PLK4: variants seen among roughly 807,000 people sequenced by gnomAD.
PLK4 encodes the protein serine/threonine-protein kinase PLK4.
PLK4 carries 51 observed loss-of-function variants against 103.0 expected under a neutral mutation model. The ratio of observed to expected loss-of-function variants is 0.50; its 90% confidence interval spans 0.40 to 0.63. The LOEUF (loss-of-function observed/expected upper bound fraction) is 0.63. Among genes scored for constraint, PLK4 ranks in the 20% least tolerant of loss-of-function variants. The pLI is 0.00. For synonymous variants in PLK4, 389 were observed against 376.8 expected, an observed-to-expected ratio of 1.03 and a Z score of -0.38; for missense variants, 1,054 against 1,151.0, an observed-to-expected ratio of 0.92 and a Z score of 1.22.
intron 1 of PLK4, 38 bp from the exon 2 acceptor site, chr4:127,881,793 T>G: frequency 8.5e-7 from 1 of 1,171,692 alleles, no homozygotes; most frequent in Non-Finnish European, 1.3e-6. Context: ...CTTTCTACTG[T>G]GAGTCATCAC....
chr4:127,887,751 T>G (rs1296804316), intron 6 of PLK4, among the ~76,000 whole-genome samples: 1 of 151,310 alleles, frequency 6.6e-6, no homozygotes, highest in Non-Finnish European at 1.5e-5. Flanking sequence ...GGCATGTACC[T>G]GTAGTCCCAG....
At chr4:127,888,005 C>G (rs1008854092) in intron 6 of PLK4, among the ~76,000 whole-genome samples, 3 of 149,982 alleles carry the variant, frequency 2.0e-5, no homozygotes, top group Non-Finnish European at 3.0e-5. Flanking sequence ...CATGGTGAAA[C>G]CCCGTCTCTA....
intron 4 of PLK4, among the ~76,000 whole-genome samples, chr4:127,885,343 G>A (rs1016576001): frequency 2.0e-5 from 3 of 151,828 alleles, no homozygotes; most frequent in Admixed American, 2.0e-4. Context: ...GCCAGGCACG[G>A]TGGCGGGCGC....
At chr4:127,887,807 C>G (rs911265215) in intron 6 of PLK4, among the ~76,000 whole-genome samples, 10 of 141,340 alleles carry the variant, frequency 7.1e-5, no homozygotes, top group African/African-American at 1.9e-4. Flanking sequence ...CTCAGGAGTT[C>G]AAGGCCGCAG....
chr4:127,881,130 G>A lies in PLK4; in HGVS notation c.-5G>A. On this transcript the variant is annotated 5_prime_UTR_variant, in exon 1 of 16. Coordinates refer to ENST00000270861, the MANE Select transcript of PLK4 (RefSeq NM_014264.5). ...TCCGGAGAACCCAGGCCAGAGCCTG[G>A]AAATATGGCGACCTGCATCGGGGAG... 6.2e-7 allele frequency: 1 copy of A among 1,614,028 alleles called. No homozygotes were observed. The highest frequency in any genetic ancestry group is 8.5e-7 in the Non-Finnish European group (1 of 1,180,018).
Position 127,891,499 on chromosome 4 carries a change from C to T in PLK4, c.1936-80C>T, listed in dbSNP as rs1297626395. 16 of 534,230 alleles carry T rather than the reference C, an allele frequency of 3.0e-5. No individual in the cohort carries two copies. The East Asian group carries it at 3.3e-4, about 11-fold the overall frequency. 33.1% of individuals were successfully genotyped at this position (534,230 alleles called of 1,614,324 possible). ...AATAATATTTAATGTTACATTTAAA[C>T]ACTTTGTATACGTTTTAGCAAGATA... On this transcript the variant is annotated intron_variant, in intron 8 of 15. Coordinates refer to ENST00000270861, the MANE Select transcript of PLK4 (RefSeq NM_014264.5).
Position 127,897,021 on chromosome 4 carries a change from G to A in PLK4, c.2810+114G>A, listed in dbSNP as rs961079221. 1.3e-5 allele frequency: 8 copies of A among 605,574 alleles called. No homozygotes were observed. The African/African-American group carries it at 1.5e-4, about 11-fold the overall frequency. The allele number at this position is 605,574 out of a possible 1,614,324, so 37.5% of individuals were successfully genotyped here. On this transcript the variant is annotated intron_variant, in intron 15 of 15. Transcript: ENST00000270861. ...CTTCTTTCATTTTGACAATGATCGT[G>A]TGATTCTTTAAACTGTTAATTATTC...
intron 14 of PLK4, among the ~76,000 whole-genome samples, 161 bp downstream of exon 14, chr4:127,895,254 T>G (rs1441592837): frequency 6.6e-6 from 1 of 152,102 alleles, no homozygotes; most frequent in Non-Finnish European, 1.5e-5. Flanking sequence ...AAATTTTAAC[T>G]TCTTAAATTT....
In PLK4 at chr4:127,886,315, T is replaced by C; in HGVS notation, c.945T>C (p.Gly315=). 1 of 1,613,920 alleles carries C rather than the reference T, an allele frequency of 6.2e-7. No homozygotes were observed. The highest frequency in any genetic ancestry group is 8.5e-7 in the Non-Finnish European group (1 of 1,179,950). The part of the protein sequence containing the change: ...SLFDKRRLLI[G]QPLPNKMTVF... ...TTGACAAAAGAAGACTTTTGATTGG[T>C]CAGCCACTCCCAAATAAAATGACTG... Residue 315 remains glycine (G), a synonymous_variant, in exon 5 of 16, where the codon GGT becomes GGC. Transcript: ENST00000270861.
chr4:127,882,291 A>G (rs1166712253), intron 2 of PLK4, among the ~76,000 whole-genome samples: 1 of 152,240 alleles, frequency 6.6e-6, no homozygotes, highest in East Asian at 1.9e-4. Context: ...GTTAGAAGTC[A>G]GCCTAATAGG....
In PLK4 at chr4:127,886,038, T is replaced by C. The variant is rs2148817787; in HGVS notation, c.668T>C (p.Val223Ala). ...TDTVKNTLNK[V>A]VLADYEMPSF... Reference sequence around the variant, plus strand: ...ACAGTCAAGAACACATTAAATAAAGTAGTATTGGCAGATTATGAAATGCCA... The same window carrying C: ...ACAGTCAAGAACACATTAAATAAAGCAGTATTGGCAGATTATGAAATGCCA... The change falls in exon 5 of 16, where the codon GTA (valine) becomes GCA (alanine). Residue 223 changes from valine to alanine, a missense_variant. Around this residue, in one of 4 missense-constraint regions of PLK4, gnomAD observed 680 missense variants for 660.3 expected, o/e 1.03. Coordinates refer to ENST00000270861, the MANE Select transcript of PLK4 (RefSeq NM_014264.5). The C allele has an allele frequency of 1.2e-6, 2 of 1,613,806 alleles. No homozygotes were observed. The highest frequency in any genetic ancestry group is 2.2e-5 in the East Asian group (1 of 44,888).
chr4:127,892,484 G>A lies in PLK4; in HGVS notation c.2158G>A (p.Gly720Ser), dbSNP rs1366638913. 1 of 1,605,762 alleles carries A rather than the reference G, an allele frequency of 6.2e-7. No homozygotes were observed. Among genetic ancestry groups the A allele is most frequent in the African/African-American group, 1.3e-5 (1 of 74,264 alleles). The change falls in exon 10 of 16, where the codon GGT becomes AGT. Residue 720 changes from glycine (G) to serine (S), a missense_variant. Gly to Ser is a moderately conservative substitution (Grantham distance 56, BLOSUM62 0). Coordinates refer to ENST00000270861, the MANE Select transcript of PLK4 (RefSeq NM_014264.5). The stretch of plus-strand genomic sequence containing the variant: ...ATGCATTTTGATGGAGAATTCTCCT[G>A]GTGCTGATTTTGAGGTTTGGTTTTA... The part of the protein sequence containing the change: ...AKCILMENSP[G>S]ADFEVWFYDG...
intron 14 of PLK4, among the ~76,000 whole-genome samples, chr4:127,895,480 T>TTG (rs1735531965): frequency 6.9e-6 from 1 of 145,050 alleles, no homozygotes; most frequent in Non-Finnish European, 1.5e-5. Flanking sequence ...TTTTTTTTTT[T>TTG]GAGACAAAGT....
chr4:127,894,377 C>T (rs1387919790), intron 13 of PLK4, among the ~76,000 whole-genome samples: 2 of 152,104 alleles, frequency 1.3e-5, no homozygotes, highest in African/African-American at 4.8e-5. Context: ...CAGGCGACCG[C>T]CACCATGCCT....
intron 14 of PLK4, among the ~76,000 whole-genome samples, chr4:127,895,452 CTTTTT>C (rs70966059): frequency 4.6e-5 from 3 of 65,194 alleles, no homozygotes; most frequent in Non-Finnish European, 8.5e-5. Flanking sequence ...GAGTAACTTT[CTTTTT>C]TTTTTTTTTT....
chr4:127,894,828 C>T (rs991868087), intron 13 of PLK4, 125 bp from the exon 14 acceptor site: 8 of 572,028 alleles, frequency 1.4e-5, no homozygotes, highest in Non-Finnish European at 2.0e-5. Flanking sequence ...GTTATATTTT[C>T]GTTAAAAAAT....
In PLK4 at chr4:127,895,023, A is replaced by C; in HGVS notation, c.2633A>C (p.Lys878Thr). 6.2e-7 allele frequency: 1 copy of C among 1,611,366 alleles called. No homozygotes were observed. Among genetic ancestry groups the C allele is most frequent in the Non-Finnish European group, 8.5e-7 (1 of 1,178,066 alleles). ...SGTDISSNSL[K>T]DCLPKSAQLL... ...ACAGACATCTCTTCTAATAGTCTAA[A>C]AGATTGTCTTCCTAAATCAGCACAA... is the stretch of plus-strand genomic sequence containing the variant. The change falls in exon 14 of 16, where the codon AAA (lysine) becomes ACA (threonine). Residue 878 changes from lysine to threonine, a missense_variant. This residue lies in a region of PLK4 where 167 missense variants were observed against 200.7 expected (regional missense o/e 0.83). Transcript: ENST00000270861.
chr4:127,891,361 A>G (rs1735352251), intron 8 of PLK4, among the ~76,000 whole-genome samples, 165 bp downstream of exon 8: 1 of 151,968 alleles, frequency 6.6e-6, no homozygotes, highest in African/African-American at 2.4e-5. Context: ...ACATATTTAA[A>G]TAAATTGGTG....
At chr4:127,892,943 T>C (rs1193274925) in intron 10 of PLK4, among the ~76,000 whole-genome samples, 1 of 152,092 alleles carries the variant, frequency 6.6e-6, no homozygotes, top group Non-Finnish European at 1.5e-5. Flanking sequence ...TCTATAAAGA[T>C]GAACTATTTT....
Sources: allele counts gnomAD v4.1 joint callset (sites outside exome capture counted in the v4.1 genomes callset), GRCh38; gene constraint gnomAD v4.1.1; regional missense constraint gnomAD v4.1.1; transcripts MANE v1.5; gene names NCBI Gene and HGNC (gene_info 2026-07-23, HGNC 2026-07-21).